SMC1B: variants seen among roughly 807,000 people sequenced by gnomAD.
SMC1B encodes structural maintenance of chromosomes protein 1B.
A neutral mutation model predicts 157.9 loss-of-function variants in SMC1B; 60 were observed. The observed-to-expected ratio is 0.38, with a 90% confidence interval of 0.31 to 0.47. The LOEUF is 0.47. Ranked by LOEUF, SMC1B falls within the 20% of genes least tolerant of loss-of-function variation. SMC1B has a pLI of 0.99. For missense variants in SMC1B, 1,165 were observed against 1,426.2 expected (o/e 0.82, Z 2.95); for synonymous variants, 445 against 483.0 (o/e 0.92, Z 1.03).
chr22:45,411,415 G>A (rs1250801250), intron 1 of SMC1B, among the ~76,000 whole-genome samples: 1 of 152,186 alleles, frequency 6.6e-6, no homozygotes, highest in African/African-American at 2.4e-5. Flanking sequence ...AAGTGAATTA[G>A]TAGATACCAG....
In SMC1B at chr22:45,393,989, C is replaced by G; in HGVS notation, c.1338-148G>C. On this transcript the variant is annotated intron_variant, in intron 8 of 24. Transcript: ENST00000357450. Reference sequence around the variant, plus strand: ...GTAAAAAATGCAATAAACCTGACACCAAACATGGGCAAAAAAGATTTTGCT... The same window carrying G: ...GTAAAAAATGCAATAAACCTGACACGAAACATGGGCAAAAAAGATTTTGCT... The G allele has an allele frequency of 4.9e-6, 3 of 608,618 alleles. No individual in the cohort carries two copies. The South Asian group carries it at 7.0e-5, about 14-fold the overall frequency. The allele number at this position is 608,618 out of a possible 1,614,324, so 37.7% of individuals were successfully genotyped here.
At chr22:45,382,492 C>T (rs1224688508) in intron 12 of SMC1B, among the ~76,000 whole-genome samples, 1 of 152,072 alleles carries the variant, frequency 6.6e-6, no homozygotes, top group African/African-American at 2.4e-5. Context: ...AAAAGGAACC[C>T]AAAGGAATTC....
At chr22:45,413,244 C>G (rs1440066806) in intron 1 of SMC1B, among the ~76,000 whole-genome samples, 1 of 151,880 alleles carries the variant, frequency 6.6e-6, no homozygotes. Context: ...GGTCGGGACC[C>G]CTGAGGTGGA....
At chr22:45,391,129 T>TTC (rs2087054150) in intron 9 of SMC1B, among the ~76,000 whole-genome samples, 1 of 152,006 alleles carries the variant, frequency 6.6e-6, no homozygotes, top group Non-Finnish European at 1.5e-5. Context: ...AACTCAAGTA[T>TTC]TCTCCTGCCT....
chr22:45,353,604 C>T (rs941634151), intron 21 of SMC1B, among the ~76,000 whole-genome samples: 1 of 152,020 alleles, frequency 6.6e-6, no homozygotes, highest in Non-Finnish European at 1.5e-5. Context: ...ACCATCTTCC[C>T]AGGATCCTCT....
chr22:45,351,600 G>A lies in SMC1B; in HGVS notation c.3425+851C>T, dbSNP rs139607110. Among the ~76,000 whole-genome samples the A allele has an allele frequency of 3.3e-5, 5 of 152,238 alleles. No individual in the cohort carries two copies. In the East Asian group the frequency reaches 7.7e-4, roughly 23 times the overall value. On this transcript the variant is annotated intron_variant, in intron 22 of 24. Coordinates refer to ENST00000357450, the MANE Select transcript of SMC1B (RefSeq NM_148674.5). Reference sequence around the variant, plus strand: ...GTTTTGTTCTTTCACCTAGGCTAGCGTGCAGTGGTGTCATCACGGTTTATT... The same window carrying A: ...GTTTTGTTCTTTCACCTAGGCTAGCATGCAGTGGTGTCATCACGGTTTATT...
chr22:45,387,090 A>C, intron 10 of SMC1B, 44 bp from the exon 11 acceptor site: 1 of 1,465,092 alleles, frequency 6.8e-7, no homozygotes, highest in Non-Finnish European at 9.4e-7. Flanking sequence ...ACACTGAAAT[A>C]AAAACCAAAT....
chr22:45,358,855 G>A, intron 18 of SMC1B, 60 bp from the exon 19 acceptor site: 1 of 1,149,474 alleles, frequency 8.7e-7, no homozygotes, highest in Non-Finnish European at 1.3e-6. Flanking sequence ...TATGGGAGTG[G>A]TTCATGGCAC....
At chr22:45,368,985 C>T (rs777901535) in intron 15 of SMC1B, among the ~76,000 whole-genome samples, 43 of 152,164 alleles carry the variant, frequency 2.8e-4, no homozygotes, top group Non-Finnish European at 5.6e-4. Flanking sequence ...TGTAACTGGC[C>T]ATCTTAGATT....
chr22:45,394,202 G>A (rs1250226406), intron 8 of SMC1B, among the ~76,000 whole-genome samples: 1 of 152,012 alleles, frequency 6.6e-6, no homozygotes, highest in African/African-American at 2.4e-5. Flanking sequence ...GCACACACCT[G>A]TAGTACCAGC....
intron 9 of SMC1B, among the ~76,000 whole-genome samples, chr22:45,391,773 G>A (rs907599549): frequency 3.9e-5 from 6 of 152,094 alleles, no homozygotes; most frequent in Non-Finnish European, 8.8e-5. Context: ...GAATTCTCTC[G>A]TCTGAGTTTT....
intron 15 of SMC1B, among the ~76,000 whole-genome samples, chr22:45,366,366 G>A (rs1445374219): frequency 1.3e-5 from 2 of 152,022 alleles, no homozygotes; most frequent in African/African-American, 4.8e-5. Flanking sequence ...CATTGTAATA[G>A]GCAGAATTAT....
At chr22:45,352,408 C>T in intron 22 of SMC1B, 43 bp downstream of exon 22, 1 of 1,576,746 alleles carries the variant, frequency 6.3e-7, no homozygotes, top group Non-Finnish European at 8.6e-7. Context: ...GTCCCCTTGG[C>T]TTCTGCCCTG....
chr22:45,401,956 T>C (rs964849955), intron 5 of SMC1B, among the ~76,000 whole-genome samples: 13 of 152,170 alleles, frequency 8.5e-5, no homozygotes, highest in African/African-American at 2.6e-4. Flanking sequence ...TGATCTCGGC[T>C]CACTGCAAGC....
chr22:45,374,822 C>CT (rs1339201366), intron 12 of SMC1B, among the ~76,000 whole-genome samples: 1 of 152,144 alleles, frequency 6.6e-6, no homozygotes. Context: ...GATTGTTCTT[C>CT]TTTTTTTGTT....
At chr22:45,358,253 C>A (rs1424836967) in intron 19 of SMC1B, among the ~76,000 whole-genome samples, 1 of 152,164 alleles carries the variant, frequency 6.6e-6, no homozygotes, top group Non-Finnish European at 1.5e-5. Flanking sequence ...ATAAAGTATT[C>A]CCCTGAGTTC....
intron 17 of SMC1B, among the ~76,000 whole-genome samples, 189 bp from the exon 18 acceptor site, chr22:45,360,147 A>C (rs1478170556): frequency 6.6e-6 from 1 of 152,194 alleles, no homozygotes; most frequent in Non-Finnish European, 1.5e-5. Context: ...TCACGAATAT[A>C]CTCAGTTAAT....
At chr22:45,366,026 T>C (rs2086772435) in intron 15 of SMC1B, among the ~76,000 whole-genome samples, 1 of 152,062 alleles carries the variant, frequency 6.6e-6, no homozygotes, top group Admixed American at 6.6e-5. Flanking sequence ...GTTTGTTTGT[T>C]TGTTTGTTTG....
rs369223259 is a variant in SMC1B at position 45,393,699 on chromosome 22, C to T, written c.1480G>A (p.Gly494Arg). ...LQNAGIDTHE[G>R]KRQQKRAEVL... ...TCTGCTCTCTTTTGCTGACGTTTTC[C>T]CTCATGGGTATCAATCCCAGCATTC... is the stretch of plus-strand genomic sequence containing the variant. Residue 494 changes from glycine to arginine, a missense_variant, in exon 9 of 25, where the codon GGA (glycine) becomes AGA (arginine). Coordinates refer to ENST00000357450, the MANE Select transcript of SMC1B (RefSeq NM_148674.5). 1 of 1,614,046 alleles carries T rather than the reference C, an allele frequency of 6.2e-7. No homozygotes were observed. Among genetic ancestry groups the T allele is most frequent in the South Asian group, 1.1e-5 (1 of 91,078 alleles).
Sources: allele counts gnomAD v4.1 joint callset (sites outside exome capture counted in the v4.1 genomes callset), GRCh38; gene constraint gnomAD v4.1.1; transcripts MANE v1.5; gene names NCBI Gene and HGNC (gene_info 2026-07-23, HGNC 2026-07-21).